Variants in BCAT1 observed in about 807,000 individuals in gnomAD.
BCAT1 encodes the protein branched chain amino acid transaminase 1.
In BCAT1, 48 loss-of-function variants were observed where a neutral mutation model predicts 52.4. The observed-to-expected ratio is 0.92, with a 90% confidence interval of 0.73 to 1.16. The LOEUF (loss-of-function observed/expected upper bound fraction) is 1.16. Among genes scored for constraint, BCAT1 ranks in the 50% most tolerant of loss-of-function variants. The pLI is 0.00. For synonymous variants in BCAT1, 167 were observed against 161.3 expected, an observed-to-expected ratio of 1.04 and a Z score of -0.27; for missense variants, 451 against 457.1, an observed-to-expected ratio of 0.99 and a Z score of 0.12.
chr12:24,862,449 A>G (rs377120087), intron 5 of BCAT1, among the ~76,000 whole-genome samples: 27 of 152,292 alleles, frequency 1.8e-4, no homozygotes, highest in African/African-American at 6.3e-4. Context: ...ACCTCTGACC[A>G]CAGAGTGGTT....
chr12:24,873,815 C>T (rs1942250925), intron 5 of BCAT1, among the ~76,000 whole-genome samples: 2 of 152,166 alleles, frequency 1.3e-5, no homozygotes, highest in African/African-American at 4.8e-5. Flanking sequence ...CTTCAAATTT[C>T]CATGCACTGG....
At chr12:24,929,004 G>A (rs1943639679) in intron 1 of BCAT1, among the ~76,000 whole-genome samples, 1 of 151,786 alleles carries the variant, frequency 6.6e-6, no homozygotes, top group Non-Finnish European at 1.5e-5. Context: ...CAGATGATCT[G>A]CCCGCCTCGG....
chr12:24,877,424 C>T (rs1052219979), intron 5 of BCAT1, among the ~76,000 whole-genome samples: 4 of 152,178 alleles, frequency 2.6e-5, no homozygotes, highest in African/African-American at 9.7e-5. Flanking sequence ...CATACTCGTC[C>T]GCTCAAAAGG....
intron 1 of BCAT1, among the ~76,000 whole-genome samples, chr12:24,937,108 A>G (rs1485502303): frequency 6.6e-6 from 1 of 152,212 alleles, no homozygotes; most frequent in Non-Finnish European, 1.5e-5. Context: ...AGAGTCAGAT[A>G]TCAATCCCAA....
chr12:24,902,264 A>T (rs777490680), intron 1 of BCAT1: 34 of 1,339,394 alleles, frequency 2.5e-5, no homozygotes, highest in Admixed American at 1.8e-4. Flanking sequence ...AAAAATCTCC[A>T]GGGCGCGCTC....
At chr12:24,905,284 T>G (rs1943207785) in intron 1 of BCAT1, among the ~76,000 whole-genome samples, 1 of 152,230 alleles carries the variant, frequency 6.6e-6, no homozygotes, top group Non-Finnish European at 1.5e-5. Context: ...TTTAAATCAT[T>G]TAATGAAGTT....
intron 1 of BCAT1, among the ~76,000 whole-genome samples, chr12:24,916,432 C>T (rs566616923): frequency 1.3e-5 from 2 of 151,712 alleles, no homozygotes; most frequent in Non-Finnish European, 2.9e-5. Context: ...TCCGGTTGCA[C>T]TCAAAAAAAA....
At chr12:24,902,687 C>T (rs930554010) in intron 1 of BCAT1, 37 of 540,964 alleles carry the variant, frequency 6.8e-5, no homozygotes, top group Non-Finnish European at 1.0e-4. Flanking sequence ...GCGGTCCTCG[C>T]CACGCTCCGG....
chr12:24,864,809 C>G (rs554116482), intron 5 of BCAT1, among the ~76,000 whole-genome samples: 2 of 152,236 alleles, frequency 1.3e-5, no homozygotes, highest in African/African-American at 4.8e-5. Context: ...AACACTGCAA[C>G]CCCACCACCC....
Position 24,932,389 on chromosome 12 carries a change from G to A in BCAT1, c.6+16538C>T, listed in dbSNP as rs147314523. 1.8e-3 allele frequency among the ~76,000 whole-genome samples: 278 copies of A among 152,226 alleles called. 2 individuals carry two copies. Among genetic ancestry groups the A allele is most frequent in the African/African-American group, 6.5e-3 (271 of 41,524 alleles). On this transcript the variant is annotated intron_variant, in intron 1 of 10. Transcript: ENST00000261192. ...TGGGACACTCTTACCTCCAGACCAT[G>A]GTACTCAGGTGTCAGCTGAAAGTTC...
Position 24,845,135 on chromosome 12 carries a change from A to G in BCAT1, c.675-2911T>C, listed in dbSNP as rs370488878. Among the ~76,000 whole-genome samples, 83 of 151,642 alleles carry G rather than the reference A, an allele frequency of 5.5e-4. No homozygotes were observed. The South Asian group carries it at 9.2e-3, about 17-fold the overall frequency. ...AGGCTGAGGCAGGAGCACCACTCAC[A>G]CCAGGGAGGCGGAGGTTGCAGTGAG... On this transcript the variant is annotated intron_variant, in intron 6 of 10. Transcript: ENST00000261192.
intron 1 of BCAT1, among the ~76,000 whole-genome samples, chr12:24,940,445 A>C (rs1360317852): frequency 6.6e-6 from 1 of 152,228 alleles, no homozygotes; most frequent in African/African-American, 2.4e-5. Flanking sequence ...TCAGTTATTA[A>C]GGGGCATAAA....
chr12:24,917,622 A>C (rs1943438976), intron 1 of BCAT1, among the ~76,000 whole-genome samples: 1 of 152,122 alleles, frequency 6.6e-6, no homozygotes, highest in South Asian at 2.1e-4. Context: ...GGCTTTTAGA[A>C]AAAAAAATCA....
chr12:24,867,771 G>A (rs1942067374), intron 5 of BCAT1, among the ~76,000 whole-genome samples: 1 of 152,200 alleles, frequency 6.6e-6, no homozygotes, highest in Non-Finnish European at 1.5e-5. Flanking sequence ...TTGGGAGGCT[G>A]AGTGGGGCAG....
intron 1 of BCAT1, among the ~76,000 whole-genome samples, chr12:24,923,427 G>C (rs1943530947): frequency 2.0e-5 from 3 of 152,148 alleles, no homozygotes; most frequent in African/African-American, 7.2e-5. Flanking sequence ...ATATATTTTA[G>C]ACAGGGTCTC....
At chr12:24,826,838 T>G (rs1940419669) in intron 10 of BCAT1, among the ~76,000 whole-genome samples, 1 of 152,198 alleles carries the variant, frequency 6.6e-6, no homozygotes, top group Non-Finnish European at 1.5e-5. Flanking sequence ...CTTTTCCTTG[T>G]ATAGATCTCT....
chr12:24,912,638 G>A (rs1329775098), intron 1 of BCAT1, among the ~76,000 whole-genome samples: 1 of 151,214 alleles, frequency 6.6e-6, no homozygotes, highest in Non-Finnish European at 1.5e-5. Flanking sequence ...GCTGAGGTGA[G>A]AGGATTGCTT....
chr12:24,832,846 T>G lies in BCAT1; in HGVS notation c.921A>C (p.Ser307=). 6.2e-7 allele frequency: 1 copy of G among 1,611,104 alleles called. No individual in the cohort carries two copies. The highest frequency in any genetic ancestry group is 8.5e-7 in the Non-Finnish European group (1 of 1,178,766). Reference sequence around the variant, plus strand: ...AGTCATCCATGGTGAGGTATCTCTCTGACACCTTAAATTCACCCTGCATGG... The same window carrying G: ...AGTCATCCATGGTGAGGTATCTCTCGGACACCTTAAATTCACCCTGCATGG... ...LAHQWGEFKV[S]ERYLTMDDLT... The change falls in exon 9 of 11, where the codon TCA becomes TCC. Residue 307 remains serine, a synonymous_variant. Coordinates refer to ENST00000261192, the MANE Select transcript of BCAT1 (RefSeq NM_005504.7).
intron 1 of BCAT1, among the ~76,000 whole-genome samples, chr12:24,933,070 A>C (rs11047713): frequency 0.39 from 57,292 of 145,126 alleles, 11,810 homozygotes; most frequent in Middle Eastern, 0.65. Flanking sequence ...TCGGCCTCCC[A>C]AAGTGCTGGG....
Sources: gnomAD v4.1 joint callset for allele counts (sites outside exome capture counted in the v4.1 genomes callset) on GRCh38, gnomAD v4.1.1 for gene constraint, MANE v1.5 for transcripts, NCBI Gene and HGNC (gene_info 2026-07-23, HGNC 2026-07-21) for gene names.